ARHGEF10L: variants seen among roughly 807,000 people sequenced by gnomAD.
ARHGEF10L encodes the protein Rho guanine nucleotide exchange factor 10 like, also known as rho guanine nucleotide exchange factor 10-like protein.
Under a neutral mutation model 141.2 loss-of-function variants are expected in ARHGEF10L, and 69 were observed. The observed-to-expected ratio is 0.49, with a 90% confidence interval of 0.40 to 0.60. The LOEUF is 0.60. Among genes scored for constraint, ARHGEF10L ranks in the 20% least tolerant of loss-of-function variants. The probability of loss-of-function intolerance (pLI) is 0.00; values close to 1 mark genes in which losing one functional copy is unlikely to be tolerated. For missense variants in ARHGEF10L, 1,482 were observed against 1,734.3 expected (o/e 0.85, Z 2.58); for synonymous variants, 711 against 718.5 (o/e 0.99, Z 0.17).
At chr1:17,643,681 C>T (rs1056825636) in intron 21 of ARHGEF10L, among the ~76,000 whole-genome samples, 2 of 152,222 alleles carry the variant, frequency 1.3e-5, no homozygotes, top group Admixed American at 6.5e-5. Flanking sequence ...CACCAGAAAA[C>T]GGGGAAAATG....
chr1:17,668,383 G>A (rs9887946), intron 26 of ARHGEF10L, among the ~76,000 whole-genome samples: 2,999 of 152,306 alleles, frequency 0.02, 104 homozygotes, highest in African/African-American at 0.068. Flanking sequence ...ACAGGGGCCC[G>A]GGTCAGGCCC....
intron 4 of ARHGEF10L, among the ~76,000 whole-genome samples, chr1:17,590,459 C>G (rs2079434890): frequency 6.6e-6 from 1 of 152,112 alleles, no homozygotes; most frequent in Non-Finnish European, 1.5e-5. Context: ...TCTTCGCTCC[C>G]CCAACACAGA....
At chr1:17,632,516 A>G in intron 16 of ARHGEF10L, 50 bp downstream of exon 16, 1 of 1,610,928 alleles carries the variant, frequency 6.2e-7, no homozygotes, top group Non-Finnish European at 8.5e-7. Context: ...TGGAGACCCC[A>G]TCCCGCCCTA....
At chr1:17,525,177 T>C in the ARHGEF10L span, among the ~76,000 whole-genome samples, 3 of 152,202 alleles carry the variant, frequency 2.0e-5, no homozygotes, top group South Asian at 6.2e-4. Context: ...TACCCCAGCA[T>C]GGGGAGGGAG....
chr1:17,662,185 A>G lies in ARHGEF10L; in HGVS notation c.2861-2262A>G, dbSNP rs1216446088. Among the ~76,000 whole-genome samples the G allele has an allele frequency of 2.0e-5, 3 of 152,114 alleles. No individual in the cohort carries two copies. The East Asian group carries it at 5.8e-4, about 29-fold the overall frequency. ...GGTTGTCTCCGTTATGAACAGGGAT[A>G]ATAATAGTATCTACCACACATGCTT... On this transcript the variant is annotated intron_variant, in intron 25 of 28. Coordinates refer to ENST00000361221, the MANE Select transcript of ARHGEF10L (RefSeq NM_018125.4).
intron 26 of ARHGEF10L, among the ~76,000 whole-genome samples, chr1:17,677,998 C>T (rs949799179): frequency 7.9e-5 from 12 of 152,090 alleles, no homozygotes; most frequent in Admixed American, 2.6e-4. Flanking sequence ...ATGGGGGCTG[C>T]GGGTGAGCTG....
intron 26 of ARHGEF10L, among the ~76,000 whole-genome samples, chr1:17,665,964 G>A (rs945425343): frequency 6.6e-6 from 1 of 152,116 alleles, no homozygotes; most frequent in African/African-American, 2.4e-5. Context: ...GGAGACCTGA[G>A]ACCCCAAAAG....
chr1:17,688,648 G>C lies in ARHGEF10L; in HGVS notation c.3184+901G>C, dbSNP rs557783828. On this transcript the variant is annotated intron_variant, in intron 27 of 28. Coordinates refer to ENST00000361221, the MANE Select transcript of ARHGEF10L (RefSeq NM_018125.4). ...AACACAGCCCGTGTGGCAGGTGGGG[G>C]CCTGGAGCTGATTGTCACAGGACCT... is the stretch of plus-strand genomic sequence containing the variant. Among the ~76,000 whole-genome samples the C allele has an allele frequency of 8.5e-5, 13 of 152,328 alleles. No homozygotes were observed. In the East Asian group the frequency reaches 2.5e-3, roughly 29 times the overall value.
At chr1:17,526,477 T>G in the ARHGEF10L span, among the ~76,000 whole-genome samples, 1 of 152,216 alleles carries the variant, frequency 6.6e-6, no homozygotes, top group African/African-American at 2.4e-5. Flanking sequence ...ATGAGTCACT[T>G]GGTCTCACTG....
At chr1:17,577,202 G>A (rs750417807) in intron 1 of ARHGEF10L, among the ~76,000 whole-genome samples, 2 of 152,044 alleles carry the variant, frequency 1.3e-5, no homozygotes, top group Non-Finnish European at 2.9e-5. Context: ...GTGCCACCAC[G>A]GCTGGCTAAT....
chr1:17,640,365 T>A, intron 21 of ARHGEF10L, 63 bp downstream of exon 21: 1 of 1,428,666 alleles, frequency 7.0e-7, no homozygotes, highest in Non-Finnish European at 9.6e-7. Context: ...AGGTTTGGGG[T>A]GAGTGAGGGT....
intron 26 of ARHGEF10L, among the ~76,000 whole-genome samples, chr1:17,682,981 GCTCT>G (rs1271409293): frequency 6.6e-6 from 1 of 152,162 alleles, no homozygotes; most frequent in Admixed American, 6.5e-5. Context: ...TGAATTCTGA[GCTCT>G]CTCAGGGTAC....
chr1:17,651,736 C>T (rs967916670), intron 22 of ARHGEF10L, among the ~76,000 whole-genome samples: 1 of 152,186 alleles, frequency 6.6e-6, no homozygotes, highest in Non-Finnish European at 1.5e-5. Flanking sequence ...GGCCCCGGCT[C>T]ACTGTCTCCT....
intron 2 of ARHGEF10L, among the ~76,000 whole-genome samples, chr1:17,582,939 G>A (rs960747682): frequency 1.3e-5 from 2 of 152,038 alleles, no homozygotes; most frequent in African/African-American, 4.8e-5. Context: ...AAAGGGAGGA[G>A]GTGCAGGCCA....
chr1:17,588,380 G>A lies in ARHGEF10L; in HGVS notation c.224-66G>A, dbSNP rs1434320360. The A allele has an allele frequency of 6.9e-6, 11 of 1,586,938 alleles. No individual in the cohort carries two copies. The Admixed American group carries it at 1.0e-4, about 14-fold the overall frequency. On this transcript the variant is annotated intron_variant, in intron 3 of 28. Coordinates refer to ENST00000361221, the MANE Select transcript of ARHGEF10L (RefSeq NM_018125.4). ...CCTGGGGAGGCTGGGAAAGGGGCGG[G>A]GAAGGCCTGAGTGCCTGGGGCCAGC...
intron 14 of ARHGEF10L, 71 bp downstream of exon 14, chr1:17,626,119 A>G (rs2101581860): frequency 2.2e-6 from 3 of 1,345,108 alleles, no homozygotes; most frequent in South Asian, 1.2e-5. Flanking sequence ...CTCCTGGGGT[A>G]GGAGGGAGGA....
At chr1:17,642,571 G>A (rs995229780) in intron 21 of ARHGEF10L, among the ~76,000 whole-genome samples, 2 of 152,144 alleles carry the variant, frequency 1.3e-5, no homozygotes, top group Admixed American at 1.3e-4. Context: ...GGAGGTGGGA[G>A]CAGGAATGGG....
chr1:17,678,246 C>T (rs1306218651), intron 26 of ARHGEF10L, among the ~76,000 whole-genome samples: 2 of 152,056 alleles, frequency 1.3e-5, no homozygotes, highest in Admixed American at 6.5e-5. Flanking sequence ...CCCAACCCTC[C>T]GTCCTAAAGT....
At chr1:17,583,104 C>G (rs568564530) in intron 2 of ARHGEF10L, among the ~76,000 whole-genome samples, 5 of 147,012 alleles carry the variant, frequency 3.4e-5, no homozygotes, top group Non-Finnish European at 7.4e-5. Context: ...ACCTGGGAGT[C>G]TGAAGTAGGA....
Sources: gnomAD v4.1 joint callset for allele counts (sites outside exome capture counted in the v4.1 genomes callset) on GRCh38, gnomAD v4.1.1 for gene constraint, MANE v1.5 for transcripts, NCBI Gene and HGNC (gene_info 2026-07-23, HGNC 2026-07-21) for gene names.